ZC3H12B: variants seen among roughly 807,000 people sequenced by gnomAD.
ZC3H12B encodes probable ribonuclease ZC3H12B.
In ZC3H12B, 7 loss-of-function variants were observed where a neutral mutation model predicts 43.9. That is an observed-to-expected ratio of 0.16 (90% CI 0.09 to 0.30). The LOEUF is 0.30. Among genes scored for constraint, ZC3H12B ranks in the 10% least tolerant of loss-of-function variants. The probability of loss-of-function intolerance (pLI) is 1.00; values close to 1 mark genes in which losing one functional copy is unlikely to be tolerated. For missense variants in ZC3H12B, 475 were observed against 670.2 expected (o/e 0.71, Z 3.22); for synonymous variants, 222 against 241.7 (o/e 0.92, Z 0.76).
At chrX:65,383,333 G>A (rs370613595) in intron 2 of ZC3H12B, among the ~76,000 whole-genome samples, 10 of 111,415 alleles carry the variant, frequency 9.0e-5, no homozygotes, top group African/African-American at 2.0e-4. Context: ...GACAAACCTG[G>A]GAAAAACAAG....
intron 2 of ZC3H12B, among the ~76,000 whole-genome samples, 167 bp downstream of exon 4, chrX:65,369,165 A>T (rs1005316501): frequency 8.9e-6 from 1 of 111,967 alleles, no homozygotes; most frequent in African/African-American, 3.2e-5. Context: ...AAATCTGAAC[A>T]ACTCAGTTAA....
the ZC3H12B span, among the ~76,000 whole-genome samples, chrX:65,192,465 G>T: frequency 9.0e-6 from 1 of 111,351 alleles, no homozygotes; most frequent in Non-Finnish European, 1.9e-5. Context: ...TTTTTCCTCA[G>T]TATGATAGTA....
intron 3 of ZC3H12B, among the ~76,000 whole-genome samples, chrX:65,472,295 TTAGA>T (rs1473263849): frequency 8.9e-6 from 1 of 112,081 alleles, no homozygotes; most frequent in Non-Finnish European, 1.9e-5. Flanking sequence ...TAATCCTTTA[TTAGA>T]TATATGTTTT....
the ZC3H12B span, among the ~76,000 whole-genome samples, chrX:65,056,904 T>G: frequency 1.5e-4 from 17 of 111,538 alleles, no homozygotes; most frequent in African/African-American, 2.3e-4. Context: ...GACTAGGATT[T>G]CAACCCTTGC....
chrX:65,304,776 C>A, the ZC3H12B span, among the ~76,000 whole-genome samples: 1 of 110,808 alleles, frequency 9.0e-6, no homozygotes, highest in Non-Finnish European at 1.9e-5. Flanking sequence ...TTAGGTTAGA[C>A]AAAAATTTAT....
the ZC3H12B span, among the ~76,000 whole-genome samples, chrX:65,342,537 G>C: frequency 2.7e-5 from 3 of 111,846 alleles, no homozygotes; most frequent in Non-Finnish European, 5.6e-5. Context: ...CATGGAAATT[G>C]AATAACCTGC....
At chrX:65,251,404 T>C in the ZC3H12B span, among the ~76,000 whole-genome samples, 1 of 111,815 alleles carries the variant, frequency 8.9e-6, no homozygotes, top group Non-Finnish European at 1.9e-5. Context: ...TGGCTTAGGA[T>C]TGACTTGGCA....
the ZC3H12B span, among the ~76,000 whole-genome samples, chrX:65,117,572 C>G: frequency 9.0e-6 from 1 of 111,607 alleles, no homozygotes; most frequent in African/African-American, 3.3e-5. Flanking sequence ...TTAATTAGAT[C>G]CCATGTGTCA....
chrX:65,453,768 A>C (rs1310623130), intron 3 of ZC3H12B, among the ~76,000 whole-genome samples: 1 of 110,921 alleles, frequency 9.0e-6, no homozygotes, highest in Non-Finnish European at 1.9e-5. Context: ...ATTTGCAGCA[A>C]CCTGGATGGA....
At chrX:65,349,223 C>T in the ZC3H12B span, among the ~76,000 whole-genome samples, 1 of 111,960 alleles carries the variant, frequency 8.9e-6, no homozygotes. Context: ...CACTCATAAC[C>T]ACACAACTAC....
the ZC3H12B span, among the ~76,000 whole-genome samples, chrX:65,258,148 G>A: frequency 9.0e-6 from 1 of 111,075 alleles, no homozygotes; most frequent in Non-Finnish European, 1.9e-5. Context: ...CAAAATACTA[G>A]CAAACCAAAT....
At chrX:65,465,219 T>C (rs897236809) in intron 3 of ZC3H12B, among the ~76,000 whole-genome samples, 3 of 111,251 alleles carry the variant, frequency 2.7e-5, no homozygotes, top group African/African-American at 9.8e-5. Context: ...CAAATATTAT[T>C]GTTGAATTGT....
At chrX:65,219,624 T>C in the ZC3H12B span, among the ~76,000 whole-genome samples, 1 of 111,135 alleles carries the variant, frequency 9.0e-6, no homozygotes, top group Non-Finnish European at 1.9e-5. Flanking sequence ...TTGTAAAAAA[T>C]GTAAAAAGCC....
chrX:65,290,013 A>T, the ZC3H12B span, among the ~76,000 whole-genome samples: 4 of 110,726 alleles, frequency 3.6e-5, no homozygotes, highest in African/African-American at 6.5e-5. Flanking sequence ...ATGTAGTAAA[A>T]AATAATAATA....
At chrX:65,478,213 A>G in intron 3 of ZC3H12B, among the ~76,000 whole-genome samples, 1 of 111,822 alleles carries the variant, frequency 8.9e-6, no homozygotes, top group Non-Finnish European at 1.9e-5. Context: ...TTTTAAAAAT[A>G]TTTTTTAAAG....
chrX:65,256,085 G>A, the ZC3H12B span, among the ~76,000 whole-genome samples: 6 of 111,831 alleles, frequency 5.4e-5, no homozygotes, highest in Non-Finnish European at 9.4e-5. Flanking sequence ...CACAATAATA[G>A]CAGGAGACTT....
chrX:65,172,403 C>T, the ZC3H12B span, among the ~76,000 whole-genome samples: 13 of 111,601 alleles, frequency 1.2e-4, no homozygotes, highest in Admixed American at 1.0e-3. Flanking sequence ...ATGATAGTTT[C>T]CTTTGCTGAG....
chrX:65,296,193 A>G, the ZC3H12B span, among the ~76,000 whole-genome samples: 1 of 112,015 alleles, frequency 8.9e-6, no homozygotes, highest in Non-Finnish European at 1.9e-5. Flanking sequence ...AATGAATGAA[A>G]TAATGGCATT....
At chrX:65,332,458 AAAGCAAAAT>A in the ZC3H12B span, among the ~76,000 whole-genome samples, 1 of 112,085 alleles carries the variant, frequency 8.9e-6, no homozygotes, top group Non-Finnish European at 1.9e-5. Flanking sequence ...CTACAACAAT[AAAGCAAAAT>A]AAGCAAAATC....
Sources: gnomAD v4.1 joint callset for allele counts (sites outside exome capture counted in the v4.1 genomes callset) on GRCh38, gnomAD v4.1.1 for gene constraint, MANE v1.5 for transcripts, NCBI Gene and HGNC (gene_info 2026-07-23, HGNC 2026-07-21) for gene names.